Variants in MTBP observed in about 807,000 individuals in gnomAD.
MTBP encodes mdm2-binding protein.
A neutral mutation model predicts 117.0 loss-of-function variants in MTBP; 101 were observed. The ratio of observed to expected loss-of-function variants is 0.86; its 90% CI spans 0.73 to 1.02. MTBP has a LOEUF of 1.02. Ranked by LOEUF, MTBP falls within the 50% of genes least tolerant of loss-of-function variation. MTBP has a pLI of 0.00. For synonymous variants in MTBP, 350 were observed against 351.5 expected, an observed-to-expected ratio of 1.00 and a Z score of 0.05; for missense variants, 970 against 1,030.9, an observed-to-expected ratio of 0.94 and a Z score of 0.81.
At chr8:120,483,946 A>G (rs935662839) in intron 11 of MTBP, among the ~76,000 whole-genome samples, 70 of 152,264 alleles carry the variant, frequency 4.6e-4, no homozygotes, top group African/African-American at 1.6e-3. Context: ...TGGCATTTAC[A>G]TAAAAGTTAT....
In MTBP at chr8:120,455,415, A is replaced by T; in HGVS notation, c.485-20A>T. On this transcript the variant is annotated intron_variant, in intron 5 of 21. Transcript: ENST00000305949. ...ATCTAACTTTTTAAAAATTACAAAA[A>T]TGCCTTTTTCTCTTTCTAGGTAGAG... The T allele has an allele frequency of 6.5e-7, 1 of 1,536,178 alleles. No individual in the cohort carries two copies. Among genetic ancestry groups the T allele is most frequent in the Admixed American group, 2.0e-5 (1 of 48,852 alleles).
intron 16 of MTBP, among the ~76,000 whole-genome samples, 191 bp downstream of exon 16, chr8:120,507,052 T>C (rs1814701197): frequency 6.6e-6 from 1 of 152,114 alleles, no homozygotes; most frequent in Admixed American, 6.6e-5. Flanking sequence ...TTTGTGGTAT[T>C]GAATATAAGA....
intron 16 of MTBP, 88 bp downstream of exon 16, chr8:120,506,949 C>T: frequency 6.2e-6 from 7 of 1,131,416 alleles, no homozygotes; most frequent in Non-Finnish European, 8.5e-6. Context: ...AATTGATGTC[C>T]TATGCTACTC....
At chr8:120,456,774 A>G in intron 7 of MTBP, 104 bp downstream of exon 7, 1 of 719,026 alleles carries the variant, frequency 1.4e-6, no homozygotes, top group Non-Finnish European at 2.4e-6. Flanking sequence ...AAGATATTCT[A>G]GAATAGCACT....
At chr8:120,475,609 T>G (rs1180285826) in intron 11 of MTBP, among the ~76,000 whole-genome samples, 2 of 151,928 alleles carry the variant, frequency 1.3e-5, no homozygotes, top group African/African-American at 4.8e-5. Context: ...AATGCCCAAT[T>G]TGAAGTATGG....
At chr8:120,460,886 T>C (rs1211678056) in intron 8 of MTBP, among the ~76,000 whole-genome samples, 1 of 152,154 alleles carries the variant, frequency 6.6e-6, no homozygotes, top group Non-Finnish European at 1.5e-5. Flanking sequence ...TTGAGAACGC[T>C]TGTCCTCTGT....
intron 11 of MTBP, among the ~76,000 whole-genome samples, chr8:120,479,585 A>C (rs1366807575): frequency 6.6e-6 from 1 of 152,182 alleles, no homozygotes; most frequent in African/African-American, 2.4e-5. Flanking sequence ...ACCCGTATAC[A>C]TGCTAGTCCA....
chr8:120,458,209 AG>A (rs1813510703), intron 7 of MTBP, among the ~76,000 whole-genome samples: 1 of 152,186 alleles, frequency 6.6e-6, no homozygotes, highest in South Asian at 2.1e-4. Context: ...ATGGTGATTA[AG>A]GACATAGATT....
At chr8:120,478,294 C>A (rs934179696) in intron 11 of MTBP, among the ~76,000 whole-genome samples, 1 of 152,036 alleles carries the variant, frequency 6.6e-6, no homozygotes, top group African/African-American at 2.4e-5. Flanking sequence ...AGGAGAAATA[C>A]CTAATGTAGA....
chr8:120,521,097 G>T (rs1300525792), intron 20 of MTBP, among the ~76,000 whole-genome samples: 1 of 152,054 alleles, frequency 6.6e-6, no homozygotes, highest in Non-Finnish European at 1.5e-5. Flanking sequence ...AGATCTCCAG[G>T]TTTAAAAAAT....
At position 120,490,573 on chromosome 8, in the gene MTBP, A is replaced by G; in HGVS notation, c.1447+3A>G. ...TTTAGCTTTGGAAGAATGCCTAAGT[A>G]AGTAACAATTTGTGTATTTTATCCT... On this transcript the variant is annotated splice_donor_region_variant and intron_variant, in intron 13 of 21. Transcript: ENST00000305949. 1 of 1,571,362 alleles carries G rather than the reference A, an allele frequency of 6.4e-7. No homozygotes were observed. The highest frequency in any genetic ancestry group is 8.7e-7 in the Non-Finnish European group (1 of 1,151,196).
At chr8:120,480,420 G>A (rs1814053824) in intron 11 of MTBP, among the ~76,000 whole-genome samples, 1 of 151,696 alleles carries the variant, frequency 6.6e-6, no homozygotes, top group South Asian at 2.1e-4. Context: ...AAAAAAAAAA[G>A]AAAAGAAATT....
chr8:120,465,297 A>G (rs368314726), intron 10 of MTBP, among the ~76,000 whole-genome samples: 7 of 152,206 alleles, frequency 4.6e-5, no homozygotes, highest in East Asian at 1.9e-4. Context: ...AAAGTCTTAA[A>G]TAGAAGAGCA....
In MTBP at chr8:120,466,997, G is replaced by A. The variant is rs532090371; in HGVS notation, c.1047+3236G>A. Among the ~76,000 whole-genome samples, 130 of 152,274 alleles carry A rather than the reference G, an allele frequency of 8.5e-4. 2 individuals are homozygous for A. The highest frequency in any genetic ancestry group is 3.0e-3 in the African/African-American group (125 of 41,548). ...ATATTGGATAGAATAAGATGGACAG[G>A]CCCTTTCTCAAGAAACTTTCATGGT... is the stretch of plus-strand genomic sequence containing the variant. On this transcript the variant is annotated intron_variant, in intron 10 of 21. Transcript: ENST00000305949.
chr8:120,468,953 A>G (rs1279174247), intron 10 of MTBP, among the ~76,000 whole-genome samples: 5 of 152,162 alleles, frequency 3.3e-5, no homozygotes, highest in African/African-American at 4.8e-5. Context: ...GTGTAGAATA[A>G]GGGAAGATGA....
chr8:120,449,347 CT>C (rs1330105338), intron 2 of MTBP, among the ~76,000 whole-genome samples: 1 of 152,036 alleles, frequency 6.6e-6, no homozygotes, highest in Non-Finnish European at 1.5e-5. Flanking sequence ...AGTTTGGAAC[CT>C]GTTAATAGTT....
Position 120,518,099 on chromosome 8 carries a change from GGGTAAAGA to G in MTBP, c.2496_2496+7del. Reference sequence around the variant, plus strand: ...GAATCAAGATCACAGAAACACACACGGGTAAAGATTTATTTCCCATTTTTCTTAGTTCT... The same window carrying G: ...GAATCAAGATCACAGAAACACACACGTTTATTTCCCATTTTTCTTAGTTCT... On this transcript the variant is annotated splice_donor_variant and splice_donor_5th_base_variant and coding_sequence_variant and intron_variant, in exon 19 of 22. Transcript: ENST00000305949. LOFTEE classifies it high-confidence loss of function. 6.2e-7 allele frequency: 1 copy of G among 1,610,052 alleles called. No homozygotes were observed. The highest frequency in any genetic ancestry group is 8.5e-7 in the Non-Finnish European group (1 of 1,177,764).
At chr8:120,448,690 A>G (rs1458656993) in intron 2 of MTBP, among the ~76,000 whole-genome samples, 2 of 152,204 alleles carry the variant, frequency 1.3e-5, no homozygotes, top group African/African-American at 4.8e-5. Flanking sequence ...CTATGCAGTT[A>G]TAGTTAGTGA....
chr8:120,495,484 G>T lies in MTBP; in HGVS notation c.1448-1909G>T, dbSNP rs537679301. Among the ~76,000 whole-genome samples the T allele has an allele frequency of 3.3e-5, 5 of 152,154 alleles. No homozygotes were observed. In the East Asian group the frequency reaches 9.7e-4, roughly 29 times the overall value. On this transcript the variant is annotated intron_variant, in intron 13 of 21. Coordinates refer to ENST00000305949, the MANE Select transcript of MTBP (RefSeq NM_022045.5). ...TAGTTGATTGGCAATTTAAATGGGA[G>T]AGTCATATCTTGAAATCTGAATTTT...
Sources: gnomAD v4.1 joint callset for allele counts (sites outside exome capture counted in the v4.1 genomes callset) on GRCh38, gnomAD v4.1.1 for gene constraint, MANE v1.5 for transcripts, NCBI Gene and HGNC (gene_info 2026-07-23, HGNC 2026-07-21) for gene names.